The following ETF1 variants were observed in gnomAD, a reference collection of about 807,000 sequenced individuals.
ETF1 encodes eukaryotic translation termination factor 1, also known as eukaryotic peptide chain release factor subunit 1.
Under a neutral mutation model 55.1 loss-of-function variants are expected in ETF1, and 4 were observed. The ratio of observed to expected loss-of-function variants is 0.07; its 90% confidence interval spans 0.04 to 0.17. ETF1 has a LOEUF of 0.17. ETF1 is among the 10% of genes least tolerant of loss of function. The probability of loss-of-function intolerance (pLI) is 1.00; values close to 1 mark genes in which losing one functional copy is unlikely to be tolerated. For synonymous variants in ETF1, 157 were observed against 182.3 expected, an observed-to-expected ratio of 0.86 and a Z score of 1.12; for missense variants, 142 against 523.6, an observed-to-expected ratio of 0.27 and a Z score of 7.11.
rs1054081871 is a variant in ETF1 at position 138,530,961 on chromosome 5, C to G, written c.86+11872G>C. Among the ~76,000 whole-genome samples the G allele has an allele frequency of 8.6e-4, 131 of 152,304 alleles. 1 individual carries two copies. The highest frequency in any genetic ancestry group is 2.8e-3 in the African/African-American group (118 of 41,568). ...TCATCTCTAGGTCTGCTGAAGGTAA[C>G]AAGCCTCCACAACCTCACCTCCACC... On this transcript the variant is annotated intron_variant, in intron 2 of 10. Coordinates refer to ENST00000360541, the MANE Select transcript of ETF1 (RefSeq NM_004730.4).
chr5:138,511,874 G>C (rs940512551), intron 6 of ETF1: 2 of 984,960 alleles, frequency 2.0e-6, no homozygotes, highest in African/African-American at 3.5e-5. Flanking sequence ...GGAAAGGGGG[G>C]ACCACTGGCT....
At chr5:138,517,861 T>C (rs1445373550) in intron 3 of ETF1, 161 bp from the exon 4 acceptor site, 3 of 984,928 alleles carry the variant, frequency 3.0e-6, no homozygotes, top group Non-Finnish European at 3.6e-6. Flanking sequence ...ACTCTCTCCC[T>C]AATTTTAAAA....
rs1764562001 is a variant in ETF1, at chr5:138,506,468, C to T, written c.*1837G>A. 6.6e-6 allele frequency: 1 copy of T among 152,618 alleles called. No individual in the cohort carries two copies. Among genetic ancestry groups the T allele is most frequent in the African/African-American group, 2.4e-5 (1 of 41,424 alleles). 9.5% of individuals were successfully genotyped at this position (152,618 alleles called of 1,614,324 possible). On this transcript the variant is annotated 3_prime_UTR_variant, in exon 11 of 11. Transcript: ENST00000360541. The stretch of plus-strand genomic sequence containing the variant: ...TCCAATTTCTCTGGTCTTGTCATAT[C>T]ACATCAGACCCATTTACAATGGCAA...
chr5:138,513,272 C>A (rs1764887572), intron 5 of ETF1: 1 of 941,884 alleles, frequency 1.1e-6, no homozygotes, highest in East Asian at 1.2e-4. Flanking sequence ...CACTCTGTCG[C>A]CCAGACTGGA....
chr5:138,512,241 TATATATATATATATA>T (rs1764830656), intron 6 of ETF1, among the ~76,000 whole-genome samples: 1 of 5,778 alleles, frequency 1.7e-4, no homozygotes, highest in African/African-American at 4.1e-4. Flanking sequence ...TATATATATA[TATATATATATATATA>T]TATTTTTTTT....
intron 3 of ETF1, among the ~76,000 whole-genome samples, chr5:138,518,239 CTCACTCTG>C (rs1415980658): frequency 2.0e-5 from 3 of 151,690 alleles, no homozygotes; most frequent in Non-Finnish European, 2.9e-5. Context: ...GAGACAACGC[CTCACTCTG>C]TCACTCAGGC....
chr5:138,522,956 A>C (rs963740153), intron 2 of ETF1, among the ~76,000 whole-genome samples: 1 of 152,090 alleles, frequency 6.6e-6, no homozygotes, highest in African/African-American at 2.4e-5. Flanking sequence ...CAGTTAGCCA[A>C]GATAGCGCCA....
chr5:138,510,357 CAAAAAAAAAAAA>C (rs57906231), intron 9 of ETF1, among the ~76,000 whole-genome samples, 196 bp downstream of exon 9: 12 of 64,802 alleles, frequency 1.9e-4, no homozygotes, highest in African/African-American at 6.6e-4. Context: ...GACCTTGTCT[CAAAAAAAAAAAA>C]AAAAAAAAAA....
At chr5:138,516,121 C>T (rs898316749) in intron 4 of ETF1, among the ~76,000 whole-genome samples, 1 of 152,118 alleles carries the variant, frequency 6.6e-6, no homozygotes, top group African/African-American at 2.4e-5. Context: ...GCAGCTTTGT[C>T]ACTCAAAAGT....
intron 4 of ETF1, among the ~76,000 whole-genome samples, chr5:138,516,917 C>T (rs544974849): frequency 3.9e-5 from 6 of 152,128 alleles, no homozygotes; most frequent in African/African-American, 1.4e-4. Context: ...AAACGAGAAG[C>T]TATATAAAAT....
rs146495877 is a variant in ETF1, at chr5:138,510,712, G to GA, written c.1019-84dup. On this transcript the variant is annotated intron_variant, in intron 8 of 10. Transcript: ENST00000360541. ...AGCTCCATAAGATGAGGTTAGATGA[G>GA]AAAAGGGCTCAGGGACTCAATCTCT... 6.8e-3 allele frequency: 10,564 copies of GA among 1,555,466 alleles called. 547 individuals are homozygous for GA. The African/African-American group carries it at 0.12, about 18-fold the overall frequency.
chr5:138,510,447 C>CAGCACCCCCAA, intron 9 of ETF1, 118 bp downstream of exon 9: 1 of 596,198 alleles, frequency 1.7e-6, no homozygotes, highest in Non-Finnish European at 3.1e-6. Context: ...CCACCTCCCA[C>CAGCACCCCCAA]AGCACCCCCA....
chr5:138,542,985 G>T, intron 1 of ETF1, 49 bp from the exon 2 acceptor site: 1 of 1,553,976 alleles, frequency 6.4e-7, no homozygotes, highest in South Asian at 1.1e-5. Flanking sequence ...CAGAGTTAGC[G>T]CCGCCGCTGG....
intron 2 of ETF1, among the ~76,000 whole-genome samples, chr5:138,519,782 C>T (rs1211878456): frequency 5.3e-5 from 8 of 152,064 alleles, no homozygotes; most frequent in African/African-American, 1.7e-4. Flanking sequence ...ATTCTGGGTG[C>T]CCAACCAAAC....
intron 2 of ETF1, among the ~76,000 whole-genome samples, chr5:138,527,420 G>A (rs1765518983): frequency 6.6e-6 from 1 of 152,204 alleles, no homozygotes; most frequent in South Asian, 2.1e-4. Flanking sequence ...GGAAATTTAT[G>A]ATACACTGCT....
chr5:138,508,945 C>T (rs1764657272), intron 9 of ETF1, 129 bp from the exon 10 acceptor site: 1 of 1,449,528 alleles, frequency 6.9e-7, no homozygotes, highest in Non-Finnish European at 9.1e-7. Flanking sequence ...GTGTGTAAAG[C>T]TCTGTAAGTC....
Position 138,511,562 on chromosome 5 carries a change from C to A in ETF1, c.775G>T (p.Gly259Cys). 6.2e-7 allele frequency: 1 copy of A among 1,612,062 alleles called. No individual in the cohort carries two copies. The highest frequency in any genetic ancestry group is 8.5e-7 in the Non-Finnish European group (1 of 1,179,204). ...GCTTGGTTGAATCCATTTTCACCAC[C>A]ATAGGATATATCAACTAATTTTAAA... The part of the protein sequence containing the change: ...KVLKLVDISY[G>C]GENGFNQAIE... The change falls in exon 7 of 11, where the codon GGT becomes TGT. Residue 259 changes from glycine (G) to cysteine (C), a missense_variant. Around this residue, in one of 5 missense-constraint regions of ETF1, gnomAD observed 82 missense variants for 232.9 expected, o/e 0.35. Transcript: ENST00000360541.
rs1764752150 is a variant in ETF1, at chr5:138,510,980, CA to C, written c.1018+64del. 2.5e-6 allele frequency: 4 copies of C among 1,573,064 alleles called. No homozygotes were observed. The Admixed American group carries it at 7.3e-5, about 29-fold the overall frequency. ...TGCTCCTGAAATCAGCCATCCCTCC[CA>C]AATCTCCACCCCAGGCTTCCTGGCT... is the stretch of plus-strand genomic sequence containing the variant. On this transcript the variant is annotated intron_variant, in intron 8 of 10. Coordinates refer to ENST00000360541, the MANE Select transcript of ETF1 (RefSeq NM_004730.4).
intron 2 of ETF1, chr5:138,519,160 A>G (rs942342311): frequency 1.0e-6 from 1 of 984,488 alleles, no homozygotes; most frequent in Admixed American, 6.1e-5. Context: ...GAAGCTATCT[A>G]TGATAAATAA....
Sources: allele counts gnomAD v4.1 joint callset (sites outside exome capture counted in the v4.1 genomes callset), GRCh38; gene constraint gnomAD v4.1.1; regional missense constraint gnomAD v4.1.1; transcripts MANE v1.5; gene names NCBI Gene and HGNC (gene_info 2026-07-23, HGNC 2026-07-21).